The following VAV2 variants were observed in gnomAD, a reference collection of about 807,000 sequenced individuals.
VAV2 encodes vav guanine nucleotide exchange factor 2, also known as guanine nucleotide exchange factor VAV2.
Under a neutral mutation model 132.5 loss-of-function variants are expected in VAV2, and 67 were observed. The ratio of observed to expected loss-of-function variants is 0.51; its 90% CI spans 0.42 to 0.62. VAV2 has a LOEUF of 0.62. VAV2 is among the 20% of genes least tolerant of loss of function. The pLI is 0.00. For missense variants in VAV2, 938 were observed against 1,153.6 expected (o/e 0.81, Z 2.71); for synonymous variants, 492 against 443.5 (o/e 1.11, Z -1.37).
Position 133,839,217 on chromosome 9 carries a change from C to T in VAV2, c.381-4877G>A, listed in dbSNP as rs115283536. Among the ~76,000 whole-genome samples the T allele has an allele frequency of 7.1e-3, 1,083 of 151,532 alleles. 14 individuals carry two copies. The highest frequency in any genetic ancestry group is 0.024 in the African/African-American group (977 of 41,254). The stretch of plus-strand genomic sequence containing the variant: ...GTGGAAGGATAGATAAATGGGTTGT[C>T]GGGTGGCTGGATTCATGGGTGCATG... On this transcript the variant is annotated intron_variant, in intron 3 of 29. Transcript: ENST00000371850.
chr9:133,974,406 G>T (rs564934419), intron 1 of VAV2, among the ~76,000 whole-genome samples: 4 of 152,286 alleles, frequency 2.6e-5, no homozygotes, highest in African/African-American at 9.6e-5. Flanking sequence ...GGTGGGAGTG[G>T]ACGTCAGGTG....
Position 133,912,605 on chromosome 9 carries a change from C to T in VAV2, c.321+26498G>A, listed in dbSNP as rs1013939438. Among the ~76,000 whole-genome samples, 8 of 152,140 alleles carry T rather than the reference C, an allele frequency of 5.3e-5. No homozygotes were observed. Among genetic ancestry groups the T allele is most frequent in the African/African-American group, 1.9e-4 (8 of 41,426 alleles). ...GTGTTGCTTCTCTGCCCATTTCAAT[C>T]GCGGAACACAAATTACACGTGTGAT... On this transcript the variant is annotated intron_variant, in intron 2 of 29. Transcript: ENST00000371850. This position sits in a 1 kb window ranked among gnomAD's most constrained non-coding sequence, Gnocchi z 4.3.
Position 133,961,326 on chromosome 9 carries a change from C to T in VAV2, c.205-22107G>A, listed in dbSNP as rs559203754. Among the ~76,000 whole-genome samples, 4 of 152,362 alleles carry T rather than the reference C, an allele frequency of 2.6e-5. No homozygotes were observed. The East Asian group carries it at 5.8e-4, about 22-fold the overall frequency. On this transcript the variant is annotated intron_variant, in intron 1 of 29. Coordinates refer to ENST00000371850, the MANE Select transcript of VAV2 (RefSeq NM_001134398.2). This position sits in a 1 kb window ranked among gnomAD's most constrained non-coding sequence, Gnocchi z 4.1. ...AGCCGGCCAATGAGGGCTGAAGCTTCGGCCTGTGGCCAAGACACCATGGGC... is the reference window on the plus strand; with the variant it reads ...AGCCGGCCAATGAGGGCTGAAGCTTTGGCCTGTGGCCAAGACACCATGGGC...
At chr9:133,892,536 T>G (rs918556529) in intron 2 of VAV2, among the ~76,000 whole-genome samples, 5 of 152,040 alleles carry the variant, frequency 3.3e-5, no homozygotes, top group African/African-American at 1.2e-4. Flanking sequence ...AAAATCAATC[T>G]GCATCAATCC....
At chr9:133,817,037 A>G (rs1206520565) in intron 4 of VAV2, among the ~76,000 whole-genome samples, 1 of 152,230 alleles carries the variant, frequency 6.6e-6, no homozygotes. Context: ...TGCTGGGATC[A>G]TGGTAGACAC....
Position 133,857,107 on chromosome 9 carries a change from C to T in VAV2, c.380+4267G>A, listed in dbSNP as rs12347219. 7.2e-5 allele frequency among the ~76,000 whole-genome samples: 11 copies of T among 152,340 alleles called. No homozygotes were observed. Among genetic ancestry groups the T allele is most frequent in the African/African-American group, 2.2e-4 (9 of 41,584 alleles). On this transcript the variant is annotated intron_variant, in intron 3 of 29. Coordinates refer to ENST00000371850, the MANE Select transcript of VAV2 (RefSeq NM_001134398.2). The surrounding 1 kb of genome is among the most constrained non-coding windows in gnomAD (Gnocchi z 4.0). ...CCTTCATGGGACCTGACCTCCCAGC[C>T]TGAGGACACCTTTCGGTTTCCTTCT... is the stretch of plus-strand genomic sequence containing the variant.
intron 23 of VAV2, 65 bp downstream of exon 23, chr9:133,777,324 C>A (rs914283708): frequency 1.9e-5 from 30 of 1,545,634 alleles, no homozygotes; most frequent in Non-Finnish European, 2.3e-5. Context: ...CGTGAGGAGG[C>A]AGCTCCCAGA....
At chr9:133,818,353 A>G (rs528508108) in intron 4 of VAV2, among the ~76,000 whole-genome samples, 42 of 146,550 alleles carry the variant, frequency 2.9e-4, no homozygotes, top group Non-Finnish European at 4.6e-4. Flanking sequence ...GTGACAAAGC[A>G]AGACTCCATC....
chr9:133,990,554 C>T (rs1464339760), intron 1 of VAV2, among the ~76,000 whole-genome samples: 2 of 152,194 alleles, frequency 1.3e-5, no homozygotes, highest in East Asian at 3.9e-4. Flanking sequence ...CTGCCCTGAG[C>T]CCCAGCCTGC....
At chr9:133,811,847 T>C (rs1835369593) in intron 5 of VAV2, among the ~76,000 whole-genome samples, 1 of 152,146 alleles carries the variant, frequency 6.6e-6, no homozygotes, top group Admixed American at 6.5e-5. Flanking sequence ...GGTGGTGTCA[T>C]CTCTGGGCAC....
chr9:133,954,573 G>A (rs987238696), intron 1 of VAV2, among the ~76,000 whole-genome samples: 3 of 152,254 alleles, frequency 2.0e-5, no homozygotes, highest in East Asian at 1.9e-4. Context: ...TGGGGGGAGC[G>A]GGAGCTGTGG....
intron 2 of VAV2, among the ~76,000 whole-genome samples, chr9:133,895,752 C>T (rs1839173927): frequency 6.6e-6 from 1 of 152,108 alleles, no homozygotes; most frequent in African/African-American, 2.4e-5. Flanking sequence ...ACACTGAAAA[C>T]CCCTGCACTG....
chr9:133,867,025 C>A (rs1351528067), intron 2 of VAV2, among the ~76,000 whole-genome samples: 8 of 152,150 alleles, frequency 5.3e-5, no homozygotes, highest in Non-Finnish European at 4.4e-5. Flanking sequence ...CAGTAAAACA[C>A]GGTCCTAACA....
chr9:133,981,145 T>C (rs999095820), intron 1 of VAV2, among the ~76,000 whole-genome samples: 2 of 152,060 alleles, frequency 1.3e-5, no homozygotes, highest in African/African-American at 4.8e-5. Flanking sequence ...CAGCGTCCCG[T>C]GTTGCCAGCA....
intron 17 of VAV2, 123 bp from the exon 18 acceptor site, chr9:133,784,541 C>T: frequency 2.9e-6 from 3 of 1,043,724 alleles, no homozygotes; most frequent in Non-Finnish European, 4.5e-6. Flanking sequence ...AGGGCCTGGA[C>T]TCCAAGCCTG....
At chr9:133,904,988 G>A (rs1839589480) in intron 2 of VAV2, among the ~76,000 whole-genome samples, 2 of 152,222 alleles carry the variant, frequency 1.3e-5, no homozygotes, top group Non-Finnish European at 2.9e-5. Flanking sequence ...GGACACTGGT[G>A]AAGGGAGAGG....
rs146995686 is a variant in VAV2 at position 133,904,007 on chromosome 9, C to T, written c.321+35096G>A. On this transcript the variant is annotated intron_variant, in intron 2 of 29. Coordinates refer to ENST00000371850, the MANE Select transcript of VAV2 (RefSeq NM_001134398.2). Reference sequence around the variant, plus strand: ...GTAAATGTTGAACTACTTCATCTATCCCTAAAAGCTTATAAAATCATGTTG... The same window carrying T: ...GTAAATGTTGAACTACTTCATCTATTCCTAAAAGCTTATAAAATCATGTTG... 2.6e-5 allele frequency among the ~76,000 whole-genome samples: 4 copies of T among 152,346 alleles called. No homozygotes were observed. In the East Asian group the frequency reaches 7.7e-4, roughly 29 times the overall value.
chr9:133,847,835 T>C (rs1460712053), intron 3 of VAV2, among the ~76,000 whole-genome samples: 1 of 152,058 alleles, frequency 6.6e-6, no homozygotes, highest in African/African-American at 2.4e-5. Flanking sequence ...GCTGCTATGA[T>C]GGTGGGTGGA....
At chr9:133,845,391 T>A (rs946394486) in intron 3 of VAV2, among the ~76,000 whole-genome samples, 1 of 151,976 alleles carries the variant, frequency 6.6e-6, no homozygotes, top group Non-Finnish European at 1.5e-5. Context: ...GGATCCCTAC[T>A]CGGAGAGCTG....
Sources: allele counts gnomAD v4.1 joint callset (sites outside exome capture counted in the v4.1 genomes callset), GRCh38; gene constraint gnomAD v4.1.1; non-coding constraint Gnocchi (gnomAD v3.1); transcripts MANE v1.5; gene names NCBI Gene and HGNC (gene_info 2026-07-23, HGNC 2026-07-21).